Variants in CEP170 observed in about 807,000 individuals in gnomAD.
CEP170 encodes centrosomal protein 170.
Under a neutral mutation model 151.9 loss-of-function variants are expected in CEP170, and 21 were observed. That is an observed-to-expected ratio of 0.14 (90% confidence interval 0.10 to 0.20). CEP170 has a LOEUF of 0.20. Ranked by LOEUF, CEP170 falls within the 10% of genes least tolerant of loss-of-function variation. The pLI, the probability that CEP170 is intolerant of heterozygous loss-of-function variation, is 1.00. For synonymous variants in CEP170, 356 were observed against 648.8 expected, an observed-to-expected ratio of 0.55 and a Z score of 6.86; for missense variants, 964 against 1,892.9, an observed-to-expected ratio of 0.51 and a Z score of 9.11.
chr1:243,231,218 AT>A lies in CEP170; in HGVS notation c.-41-5898del, dbSNP rs1179684364. ...TATTATTATTATTATCATCATTATT[AT>A]TTTTTTTAAGCAAGCAGAAATTAAG... is the stretch of plus-strand genomic sequence containing the variant. On this transcript the variant is annotated intron_variant, in intron 1 of 19. Transcript: ENST00000366542. 6.6e-4 allele frequency among the ~76,000 whole-genome samples: 99 copies of A among 150,384 alleles called. 1 individual carries two copies. The highest frequency in any genetic ancestry group is 4.0e-4 in the Admixed American group (6 of 15,064).
chr1:243,167,308 G>GT (rs1459742635), intron 12 of CEP170, among the ~76,000 whole-genome samples: 1 of 151,856 alleles, frequency 6.6e-6, no homozygotes, highest in Non-Finnish European at 1.5e-5. Context: ...TTTAAAAATT[G>GT]TAAGTATGTA....
Position 243,225,172 on chromosome 1 carries a change from T to G in CEP170, c.105+4A>C. The G allele has an allele frequency of 6.4e-7, 1 of 1,570,710 alleles. No homozygotes were observed. Among genetic ancestry groups the G allele is most frequent in the South Asian group, 1.2e-5 (1 of 84,592 alleles). ...ACACATATAGAGAAGCTTGACACAA[T>G]TACCTGCAACATGAGCTCACAGTCA... On this transcript the variant is annotated splice_donor_region_variant and intron_variant, in intron 2 of 19. Coordinates refer to ENST00000366542, the MANE Select transcript of CEP170 (RefSeq NM_014812.3).
intron 3 of CEP170, among the ~76,000 whole-genome samples, chr1:243,221,308 C>T (rs916456372): frequency 1.1e-4 from 17 of 152,220 alleles, no homozygotes; most frequent in African/African-American, 3.9e-4. Context: ...CAGGCGTGAG[C>T]CACCGCGCCC....
chr1:243,236,395 C>T (rs913727644), intron 1 of CEP170, among the ~76,000 whole-genome samples: 9 of 152,150 alleles, frequency 5.9e-5, no homozygotes, highest in Non-Finnish European at 1.0e-4. Context: ...AACTTAACAA[C>T]GAGTTCTCTA....
chr1:243,156,608 C>G (rs1217616837), intron 13 of CEP170, 153 bp from the exon 14 acceptor site: 4 of 614,178 alleles, frequency 6.5e-6, no homozygotes. Flanking sequence ...CATAAGTCTA[C>G]TACTCCTTAG....
chr1:243,165,726 A>G lies in CEP170; in HGVS notation c.2234T>C (p.Leu745Ser), dbSNP rs1006368913. Residue 745 changes from leucine (L) to serine (S), a missense_variant, in exon 13 of 20, where the codon TTA becomes TCA. Leu to Ser is a moderately radical substitution (Grantham distance 145). Transcript: ENST00000366542. ...TTGTTCTTGTTGTTGAAGTTTTGCT[A>G]ATGTTTGCTTTACCAAAGAAGTTTC... ...DKETSLVKQT[L>S]AKLQQQEQRE... is the part of the protein sequence containing the mutation. 5 of 1,614,062 alleles carry G rather than the reference A, an allele frequency of 3.1e-6. No individual in the cohort carries two copies. In the South Asian group the frequency reaches 3.3e-5, roughly 11 times the overall value.
At chr1:243,137,961 A>C (rs1224446963) in intron 16 of CEP170, among the ~76,000 whole-genome samples, 2 of 152,076 alleles carry the variant, frequency 1.3e-5, no homozygotes, top group Non-Finnish European at 2.9e-5. Flanking sequence ...TAAATAAGCA[A>C]AATGGTTTTT....
intron 10 of CEP170, among the ~76,000 whole-genome samples, chr1:243,175,900 C>T (rs1283833415): frequency 6.6e-6 from 1 of 152,136 alleles, no homozygotes; most frequent in Non-Finnish European, 1.5e-5. Context: ...GGGTTCACGC[C>T]ATTCTCCTGC....
intron 14 of CEP170, among the ~76,000 whole-genome samples, chr1:243,151,551 C>G (rs1485832527): frequency 6.6e-6 from 1 of 152,138 alleles, no homozygotes; most frequent in Non-Finnish European, 1.5e-5. Flanking sequence ...AAAATCTGAA[C>G]TCTCTTCAAT....
chr1:243,147,757 G>C (rs1487936833), intron 14 of CEP170, among the ~76,000 whole-genome samples: 1 of 152,044 alleles, frequency 6.6e-6, no homozygotes, highest in Admixed American at 6.6e-5. Context: ...ACTGTAGCTA[G>C]GTAAAAATGG....
intron 1 of CEP170, among the ~76,000 whole-genome samples, chr1:243,251,727 T>C (rs2065957405): frequency 6.6e-6 from 1 of 152,198 alleles, no homozygotes. Context: ...ACCTCAACAA[T>C]GCATGCTTGG....
rs869094317 is a variant in CEP170 at position 243,178,308 on chromosome 1, C to CAAAAAAA, written c.1567-5469_1567-5463dup. ...TGGGCAACAGAGCGAGACTCTGCCT[C>CAAAAAAA]AAAAAAAAAAAAAAAAAAAAAAAAA... On this transcript the variant is annotated intron_variant, in intron 10 of 19. Transcript: ENST00000366542. Among the ~76,000 whole-genome samples the CAAAAAAA allele has an allele frequency of 3.8e-3, 116 of 30,430 alleles. 13 individuals are homozygous for CAAAAAAA. The highest frequency in any genetic ancestry group is 0.025 in the East Asian group (23 of 908). 20.0% of individuals were successfully genotyped at this position (30,430 alleles called of 152,430 possible). A position where few individuals can be genotyped will look rare whatever the true frequency, so the allele number is the denominator to read the frequency against.
intron 10 of CEP170, among the ~76,000 whole-genome samples, chr1:243,179,646 A>G (rs1487585877): frequency 4.6e-5 from 7 of 152,236 alleles, no homozygotes; most frequent in African/African-American, 1.4e-4. Flanking sequence ...AAATTCATTG[A>G]AATAAGTTAG....
At chr1:243,146,506 C>T (rs2056503281) in intron 14 of CEP170, among the ~76,000 whole-genome samples, 1 of 152,006 alleles carries the variant, frequency 6.6e-6, no homozygotes, top group African/African-American at 2.4e-5. Context: ...AAGCATGTGG[C>T]TAAAAAATGT....
rs1276638035 is a variant in CEP170, at chr1:243,156,618, G to C, written c.3677-163C>G. On this transcript the variant is annotated intron_variant, in intron 13 of 19. Coordinates refer to ENST00000366542, the MANE Select transcript of CEP170 (RefSeq NM_014812.3). ...AAAACCATAAGTCTACTACTCCTTAGAGATAGAAACATTACACTTCGGTGA... is the reference window on the plus strand; with the variant it reads ...AAAACCATAAGTCTACTACTCCTTACAGATAGAAACATTACACTTCGGTGA... The C allele has an allele frequency of 7.2e-6, 4 of 555,948 alleles. No individual in the cohort carries two copies. The South Asian group carries it at 1.3e-4, about 18-fold the overall frequency. The allele number at this position is 555,948 out of a possible 1,614,324, so 34.4% of individuals were successfully genotyped here.
intron 12 of CEP170, among the ~76,000 whole-genome samples, chr1:243,167,743 T>C (rs1047791194): frequency 3.9e-5 from 6 of 151,902 alleles, no homozygotes; most frequent in African/African-American, 1.4e-4. Context: ...CTGATAGATT[T>C]AACTTTAGTC....
At chr1:243,178,247 T>A (rs531172513) in intron 10 of CEP170, among the ~76,000 whole-genome samples, 27 of 122,556 alleles carry the variant, frequency 2.2e-4, no homozygotes, top group African/African-American at 6.6e-4. Flanking sequence ...GAGAATCGCA[T>A]AACGTGAGCC....
intron 1 of CEP170, 50 bp downstream of exon 1, chr1:243,254,990 G>C (rs1421801101): frequency 1.3e-5 from 2 of 152,242 alleles, no homozygotes; most frequent in Admixed American, 6.5e-5. Flanking sequence ...CAGCCGCGGC[G>C]GTGGCTGCGG....
intron 15 of CEP170, among the ~76,000 whole-genome samples, chr1:243,141,775 A>G (rs559999197): frequency 5.0e-4 from 76 of 152,282 alleles, no homozygotes; most frequent in African/African-American, 1.8e-3. Context: ...ACTTTATGAA[A>G]ATGTTCTGAA....
Sources: gnomAD v4.1 joint callset for allele counts (sites outside exome capture counted in the v4.1 genomes callset) on GRCh38, gnomAD v4.1.1 for gene constraint, MANE v1.5 for transcripts, NCBI Gene and HGNC (gene_info 2026-07-23, HGNC 2026-07-21) for gene names.